The following MDGA2 variants were observed in gnomAD, a reference collection of about 807,000 sequenced individuals.
The protein encoded by MDGA2 is MAM domain-containing glycosylphosphatidylinositol anchor protein 2.
In MDGA2, 40 loss-of-function variants were observed where a neutral mutation model predicts 117.8. The ratio of observed to expected loss-of-function variants is 0.34; its 90% CI spans 0.26 to 0.44. MDGA2 has a LOEUF of 0.44. MDGA2 is among the 20% of genes least tolerant of loss of function. The pLI, the probability that MDGA2 is intolerant of heterozygous loss-of-function variation, is 1.00. For synonymous variants in MDGA2, 452 were observed against 439.0 expected, an observed-to-expected ratio of 1.03 and a Z score of -0.37; for missense variants, 1,123 against 1,250.6, an observed-to-expected ratio of 0.90 and a Z score of 1.54.
rs575649184 is a variant in MDGA2, at chr14:47,274,336, G to GC, written c.420+27074_420+27075insG. 1.5e-3 allele frequency among the ~76,000 whole-genome samples: 232 copies of GC among 150,966 alleles called. 2 individuals are homozygous for GC. Among genetic ancestry groups the GC allele is most frequent in the Middle Eastern group, 3.4e-3 (1 of 292 alleles). On this transcript the variant is annotated intron_variant, in intron 2 of 16. Coordinates refer to ENST00000399232, the MANE Select transcript of MDGA2 (RefSeq NM_001113498.3). ...CCATATAAACAGAAGTATGCACGAT[G>GC]TTTTTTTTTATGACTACTTTCTTTA...
At chr14:47,560,532 G>T (rs1012103859) in intron 1 of MDGA2, among the ~76,000 whole-genome samples, 3 of 151,982 alleles carry the variant, frequency 2.0e-5, no homozygotes, top group Non-Finnish European at 4.4e-5. Flanking sequence ...CATGTCCTTG[G>T]CCCGCTTTTT....
At chr14:47,448,345 G>A (rs1392078962) in intron 1 of MDGA2, among the ~76,000 whole-genome samples, 1 of 151,788 alleles carries the variant, frequency 6.6e-6, no homozygotes, top group African/African-American at 2.4e-5. Context: ...TCATCATGTT[G>A]GCCAGGCTGG....
intron 7 of MDGA2, among the ~76,000 whole-genome samples, chr14:47,054,817 T>C (rs1303196731): frequency 6.6e-6 from 1 of 151,862 alleles, no homozygotes; most frequent in Non-Finnish European, 1.5e-5. Flanking sequence ...AAGCTGAAAC[T>C]GGATCCCTTC....
chr14:47,444,248 G>C (rs1893074785), intron 1 of MDGA2: 1 of 171,584 alleles, frequency 5.8e-6, no homozygotes, highest in Non-Finnish European at 1.3e-5. Context: ...AGGTCTTTGA[G>C]TTGTACATCG....
chr14:47,152,921 A>C (rs1029695263), intron 3 of MDGA2, among the ~76,000 whole-genome samples: 2 of 152,212 alleles, frequency 1.3e-5, no homozygotes, highest in African/African-American at 2.4e-5. Context: ...ACAGGGGCCA[A>C]AATTCTTCAC....
rs1240098543 is a variant in MDGA2 at position 47,525,419 on chromosome 14, T to TTCA, written c.280+149095_280+149097dup. On this transcript the variant is annotated intron_variant, in intron 1 of 16. Coordinates refer to ENST00000399232, the MANE Select transcript of MDGA2 (RefSeq NM_001113498.3). ...GAGCCTGGCTGGCCAGGCACAGTGG[T>TTCA]TCAGCCTGGAATCCCAGCACTCTGG... Among the ~76,000 whole-genome samples the TTCA allele has an allele frequency of 3.9e-5, 6 of 152,102 alleles. No individual in the cohort carries two copies. In the South Asian group the frequency reaches 6.2e-4, roughly 16 times the overall value.
Position 47,114,521 on chromosome 14 carries a change from A to G in MDGA2, c.925+17193T>C, listed in dbSNP as rs1040431900. 6.6e-5 allele frequency among the ~76,000 whole-genome samples: 10 copies of G among 152,284 alleles called. No individual in the cohort carries two copies. The South Asian group carries it at 1.7e-3, about 25-fold the overall frequency. ...GGCATCACACTACCAACTTCAAACTATACTACAAGGTTACAGTAACCAAAA... is the reference window on the plus strand; with the variant it reads ...GGCATCACACTACCAACTTCAAACTGTACTACAAGGTTACAGTAACCAAAA... On this transcript the variant is annotated intron_variant, in intron 5 of 16. Coordinates refer to ENST00000399232, the MANE Select transcript of MDGA2 (RefSeq NM_001113498.3).
chr14:47,578,600 T>C (rs553533700), intron 1 of MDGA2, among the ~76,000 whole-genome samples: 2 of 152,228 alleles, frequency 1.3e-5, no homozygotes, highest in South Asian at 4.1e-4. Context: ...GTTTGCTAGT[T>C]TTACTAATTG....
At chr14:47,372,805 T>C (rs997927781) in intron 1 of MDGA2, among the ~76,000 whole-genome samples, 2 of 152,018 alleles carry the variant, frequency 1.3e-5, no homozygotes, top group Non-Finnish European at 2.9e-5. Context: ...GGGAAAATAA[T>C]TAAATTTGAC....
At chr14:47,049,713 G>T (rs1288265687) in intron 7 of MDGA2, among the ~76,000 whole-genome samples, 1 of 151,970 alleles carries the variant, frequency 6.6e-6, no homozygotes, top group Non-Finnish European at 1.5e-5. Flanking sequence ...AGGGCTGACT[G>T]TATTTCCTTT....
chr14:47,445,938 C>G (rs1467955639), intron 1 of MDGA2, among the ~76,000 whole-genome samples: 1 of 152,094 alleles, frequency 6.6e-6, no homozygotes, highest in Non-Finnish European at 1.5e-5. Flanking sequence ...AACAATGGAA[C>G]AAAATATAAT....
At chr14:46,955,742 G>T (rs1573006) in intron 9 of MDGA2, among the ~76,000 whole-genome samples, 17,852 of 151,984 alleles carry the variant, frequency 0.12, 1,986 homozygotes, top group African/African-American at 0.27. Flanking sequence ...CGGTGTATAG[G>T]TAGATCAAGT....
rs1198348348 is a variant in MDGA2 at position 47,246,152 on chromosome 14, A to G, written c.421-27957T>C. Among the ~76,000 whole-genome samples the G allele has an allele frequency of 3.3e-5, 5 of 151,838 alleles. No homozygotes were observed. The East Asian group carries it at 5.8e-4, about 18-fold the overall frequency. On this transcript the variant is annotated intron_variant, in intron 2 of 16. Coordinates refer to ENST00000399232, the MANE Select transcript of MDGA2 (RefSeq NM_001113498.3). ...AACCTGATGTTTATGCTAATCAACA[A>G]TTTGATTTTATATTTACTTACTATC...
At chr14:47,071,551 T>G (rs9972259) in intron 6 of MDGA2, among the ~76,000 whole-genome samples, 49,881 of 149,846 alleles carry the variant, frequency 0.33, 8,640 homozygotes, top group East Asian at 0.52. Context: ...TGTCTGTGGG[T>G]TTTTTTTTTC....
At chr14:47,333,588 T>A (rs897365348) in intron 1 of MDGA2, among the ~76,000 whole-genome samples, 3 of 151,868 alleles carry the variant, frequency 2.0e-5, no homozygotes, top group Admixed American at 6.6e-5. Flanking sequence ...AGTAATATAA[T>A]ACAGAAATAA....
At chr14:47,238,336 T>C (rs956537558) in intron 2 of MDGA2, among the ~76,000 whole-genome samples, 3 of 122,526 alleles carry the variant, frequency 2.4e-5, no homozygotes, top group Non-Finnish European at 5.6e-5. Flanking sequence ...GTAGATCTTG[T>C]TGATTGCTTT....
chr14:47,428,761 A>G (rs1455333618), intron 1 of MDGA2, among the ~76,000 whole-genome samples: 2 of 152,032 alleles, frequency 1.3e-5, no homozygotes, highest in Non-Finnish European at 2.9e-5. Context: ...ATTTGTGTAT[A>G]CATACCCACA....
intron 8 of MDGA2, among the ~76,000 whole-genome samples, chr14:46,982,708 A>G (rs1193600270): frequency 3.7e-5 from 1 of 26,980 alleles, no homozygotes; most frequent in Non-Finnish European, 7.7e-5. Context: ...ACTCCATCAA[A>G]AAAAAAAAAA....
At position 47,617,033 on chromosome 14, in the gene MDGA2, C is replaced by CA. The variant is rs553512530; in HGVS notation, c.280+57483dup. On this transcript the variant is annotated intron_variant, in intron 1 of 16. Coordinates refer to ENST00000399232, the MANE Select transcript of MDGA2 (RefSeq NM_001113498.3). ...CACTCACGTATGTTCTACCGGACAG[C>CA]AATGATTTTAGAGCACCACTGTTGG... 2.8e-3 allele frequency among the ~76,000 whole-genome samples: 425 copies of CA among 152,212 alleles called. 5 individuals carry two copies. The highest frequency in any genetic ancestry group is 2.0e-3 in the Non-Finnish European group (137 of 68,002).
Sources: gnomAD v4.1 joint callset for allele counts (sites outside exome capture counted in the v4.1 genomes callset) on GRCh38, gnomAD v4.1.1 for gene constraint, MANE v1.5 for transcripts, NCBI Gene and HGNC (gene_info 2026-07-23, HGNC 2026-07-21) for gene names.